The following RAPH1 variants were observed in gnomAD, a reference collection of about 807,000 sequenced individuals.
The protein encoded by RAPH1 is Ras association (RalGDS/AF-6) and pleckstrin homology domains 1.
Under a neutral mutation model 88.1 loss-of-function variants are expected in RAPH1, and 18 were observed. That is an observed-to-expected ratio of 0.20 (90% CI 0.14 to 0.30). RAPH1 has a LOEUF of 0.30. Among genes scored for constraint, RAPH1 ranks in the 10% least tolerant of loss-of-function variants. RAPH1 has a pLI of 1.00. For synonymous variants in RAPH1, 587 were observed against 559.0 expected (o/e 1.05, Z -0.71); for missense variants, 1,448 against 1,543.2 (o/e 0.94, Z 1.03).
chr2:203,483,855 T>C (rs894996108), intron 4 of RAPH1, among the ~76,000 whole-genome samples: 9 of 152,222 alleles, frequency 5.9e-5, no homozygotes, highest in Admixed American at 5.9e-4. Flanking sequence ...GTCTTTGTAC[T>C]GCAGGCCTTA....
chr2:203,520,827 C>G (rs916859094), intron 1 of RAPH1, among the ~76,000 whole-genome samples: 2 of 152,066 alleles, frequency 1.3e-5, no homozygotes, highest in African/African-American at 4.8e-5. Flanking sequence ...CTTTGGAGAG[C>G]CATTTGAAAA....
intron 1 of RAPH1, among the ~76,000 whole-genome samples, chr2:203,499,424 C>CAAA (rs922725381): frequency 7.1e-6 from 1 of 139,948 alleles, no homozygotes; most frequent in Non-Finnish European, 1.6e-5. Flanking sequence ...TTAACAGCAA[C>CAAA]AAAAAAAAAA....
intron 1 of RAPH1, among the ~76,000 whole-genome samples, chr2:203,513,713 T>C (rs1210439348): frequency 4.7e-5 from 7 of 147,708 alleles, no homozygotes; most frequent in Admixed American, 4.7e-4. Context: ...CAGGCGCCTA[T>C]AATACCAGCT....
intron 4 of RAPH1, among the ~76,000 whole-genome samples, chr2:203,462,923 G>T (rs1267905312): frequency 6.6e-6 from 1 of 151,996 alleles, no homozygotes. Context: ...CTTTTTGGTT[G>T]GGCGTGTTGG....
chr2:203,510,780 AACTC>A (rs1030649055), intron 1 of RAPH1, among the ~76,000 whole-genome samples: 2 of 152,124 alleles, frequency 1.3e-5, no homozygotes, highest in African/African-American at 4.8e-5. Flanking sequence ...AATGTAATAA[AACTC>A]ACTGAGTGTA....
intron 1 of RAPH1, among the ~76,000 whole-genome samples, chr2:203,501,046 G>A (rs1688719300): frequency 6.6e-6 from 1 of 152,180 alleles, no homozygotes; most frequent in Admixed American, 6.5e-5. Flanking sequence ...GGGCAGGAGG[G>A]AGGTGAAGAC....
intron 4 of RAPH1, among the ~76,000 whole-genome samples, chr2:203,463,468 G>C (rs562057506): frequency 6.5e-4 from 99 of 152,214 alleles, no homozygotes; most frequent in African/African-American, 2.3e-3. Flanking sequence ...TATACTCTAG[G>C]CTGTCTCCCA....
chr2:203,528,599 A>G (rs1690232859), intron 1 of RAPH1, among the ~76,000 whole-genome samples: 1 of 152,214 alleles, frequency 6.6e-6, no homozygotes, highest in Non-Finnish European at 1.5e-5. Context: ...AACCAGTAAC[A>G]TAATAAACAG....
chr2:203,531,323 G>A (rs1204377089), intron 1 of RAPH1, among the ~76,000 whole-genome samples: 1 of 151,990 alleles, frequency 6.6e-6, no homozygotes, highest in Admixed American at 6.6e-5. Flanking sequence ...GTCAATGGGG[G>A]CAGCAAACAA....
At chr2:203,495,191 T>C in intron 2 of RAPH1, 43 bp downstream of exon 2, 3 of 1,611,068 alleles carry the variant, frequency 1.9e-6, no homozygotes, top group South Asian at 1.1e-5. Context: ...TTTAACACAA[T>C]GGTGACTTCA....
In RAPH1 at chr2:203,436,233, G is replaced by A. The variant is rs2098498385; in HGVS notation, c.*3204C>T. ...ATTTTAGAGGACTATAAAACGCCAT[G>A]TTTACTTTGTTTGAAATTTTCTGAT... On this transcript the variant is annotated 3_prime_UTR_variant, in exon 14 of 14. Transcript: ENST00000319170. 6.6e-6 allele frequency: 1 copy of A among 152,146 alleles called. No homozygotes were observed. Among genetic ancestry groups the A allele is most frequent in the South Asian group, 2.1e-4 (1 of 4,824 alleles). 9.4% of individuals were successfully genotyped at this position (152,146 alleles called of 1,614,324 possible). A position where few individuals can be genotyped will look rare whatever the true frequency, so the allele number is the denominator to read the frequency against.
intron 8 of RAPH1, 145 bp downstream of exon 8, chr2:203,457,385 C>T (rs1001586120): frequency 1.4e-5 from 10 of 713,728 alleles, no homozygotes; most frequent in Admixed American, 7.1e-5. Context: ...AGGGTTTCAC[C>T]ATCTTGGGCA....
At chr2:203,508,958 C>G (rs1006027963) in intron 1 of RAPH1, among the ~76,000 whole-genome samples, 13 of 151,702 alleles carry the variant, frequency 8.6e-5, no homozygotes, top group Admixed American at 2.0e-4. Flanking sequence ...ATTTGCCTTG[C>G]TTACTCAGTT....
chr2:203,444,558 G>A (rs2098507673), intron 13 of RAPH1: 1 of 369,080 alleles, frequency 2.7e-6, no homozygotes, highest in South Asian at 1.1e-4. Context: ...GCTTAAAGGT[G>A]GAAAGGAAGA....
chr2:203,506,733 G>GATATATATCTATATATATATATATCT (rs1689022382), intron 1 of RAPH1, among the ~76,000 whole-genome samples: 1 of 106,274 alleles, frequency 9.4e-6, no homozygotes, highest in Non-Finnish European at 1.7e-5. Context: ...TCCATATATA[G>GATATATATCTATATATATATATATCT]ATATATATCT....
At chr2:203,513,532 CAA>C (rs34083519) in intron 1 of RAPH1, among the ~76,000 whole-genome samples, 13 of 41,938 alleles carry the variant, frequency 3.1e-4, no homozygotes, top group African/African-American at 1.0e-3. Flanking sequence ...GACTCTATTT[CAA>C]AAAAAAAAAA....
intron 1 of RAPH1, among the ~76,000 whole-genome samples, chr2:203,503,826 G>A (rs1260587322): frequency 1.3e-5 from 2 of 152,120 alleles, no homozygotes; most frequent in Admixed American, 6.5e-5. Flanking sequence ...AAATACAGCC[G>A]TTCCAAATGG....
intron 1 of RAPH1, among the ~76,000 whole-genome samples, chr2:203,506,856 C>A (rs922446869): frequency 0.078 from 2,384 of 30,564 alleles, 153 homozygotes; most frequent in Non-Finnish European, 0.097. Flanking sequence ...CTATCTATAT[C>A]TATATATATA....
rs189076361 is a variant in RAPH1, at chr2:203,477,205, G to A, written c.732+12379C>T. 534 of 1,411,368 alleles carry A rather than the reference G, an allele frequency of 3.8e-4. 3 individuals carry two copies. The African/African-American group carries it at 5.3e-3, about 14-fold the overall frequency. 87.4% of individuals were successfully genotyped at this position (1,411,368 alleles called of 1,614,324 possible). On this transcript the variant is annotated intron_variant, in intron 4 of 13. Transcript: ENST00000319170. ...AAATGATAGGTAAAGGAGGTGAAAC[G>A]GGCAGTTCTCATTACCATGCAGGAA...
Sources: gnomAD v4.1 joint callset for allele counts (sites outside exome capture counted in the v4.1 genomes callset) on GRCh38, gnomAD v4.1.1 for gene constraint, MANE v1.5 for transcripts, NCBI Gene and HGNC (gene_info 2026-07-23, HGNC 2026-07-21) for gene names.